The following CTSG variants were observed in gnomAD, a reference collection of about 807,000 sequenced individuals.
CTSG encodes cathepsin G.
A neutral mutation model predicts 23.0 loss-of-function variants in CTSG; 23 were observed. The ratio of observed to expected loss-of-function variants is 1.00; its 90% CI spans 0.72 to 1.42. The LOEUF is 1.42. Among genes scored for constraint, CTSG ranks in the 40% most tolerant of loss-of-function variants. The pLI is 0.00. For missense variants in CTSG, 312 were observed against 326.2 expected (o/e 0.96, Z 0.33); for synonymous variants, 140 against 130.4 (o/e 1.07, Z -0.50).
chr14:24,575,293 CAA>C lies in CTSG; in HGVS notation c.173_174del (p.Phe58CysfsTer43). The C allele has an allele frequency of 1.2e-6, 2 of 1,614,144 alleles. No homozygotes were observed. Among genetic ancestry groups the C allele is most frequent in the Non-Finnish European group, 1.7e-6 (2 of 1,180,020 alleles). ...RCGGFLVRED[F>X]VLTAAHCWGS... ...CCCCAGCAATGAGCTGCTGTCAGCA[CAA>C]AGTCTTCTCGCACCAGGAACCCTCC... is the stretch of plus-strand genomic sequence containing the variant. On this transcript the variant is annotated frameshift_variant, in exon 2 of 5. Coordinates refer to ENST00000216336, the MANE Select transcript of CTSG (RefSeq NM_001911.3). LOFTEE classifies it high-confidence loss of function.
Position 24,575,032 on chromosome 14 carries a change from G to A in CTSG, c.204-222C>T, listed in dbSNP as rs1479259724. On this transcript the variant is annotated intron_variant, in intron 2 of 4. Transcript: ENST00000216336. ...CTTCCCCAGATTAAGTTGATAAATAGCCTGAGTTTATATTTTGAGCCCCAA... is the reference window on the plus strand; with the variant it reads ...CTTCCCCAGATTAAGTTGATAAATAACCTGAGTTTATATTTTGAGCCCCAA... 3 of 695,292 alleles carry A rather than the reference G, an allele frequency of 4.3e-6. No homozygotes were observed. The African/African-American group carries it at 5.4e-5, about 13-fold the overall frequency. The allele number at this position is 695,292 out of a possible 1,614,324, so 43.1% of individuals were successfully genotyped here. A position where few individuals can be genotyped will look rare whatever the true frequency, so the allele number is the denominator to read the frequency against.
intron 1 of CTSG, 59 bp downstream of exon 1, chr14:24,576,110 T>C: frequency 6.7e-7 from 1 of 1,490,428 alleles, no homozygotes; most frequent in Non-Finnish European, 9.2e-7. Flanking sequence ...ACCAAGGCAA[T>C]TTGGCTCAAG....
chr14:24,574,974 G>C (rs1351091515), intron 2 of CTSG, 164 bp from the exon 3 acceptor site: 2 of 873,268 alleles, frequency 2.3e-6, no homozygotes, highest in African/African-American at 3.4e-5. Flanking sequence ...CTCTGAGCTA[G>C]GGATGACAGG....
intron 1 of CTSG, among the ~76,000 whole-genome samples, 153 bp from the exon 2 acceptor site, chr14:24,575,565 G>C (rs1454551122): frequency 6.6e-6 from 1 of 152,188 alleles, no homozygotes; most frequent in African/African-American, 2.4e-5. Flanking sequence ...AGTCTATGGG[G>C]CAGCAGATTG....
Position 24,573,556 on chromosome 14 carries a change from G to T in CTSG, c.*81C>A. 1 of 1,327,444 alleles carries T rather than the reference G, an allele frequency of 7.5e-7. No homozygotes were observed. The highest frequency in any genetic ancestry group is 1.0e-6 in the Non-Finnish European group (1 of 963,398). The allele number at this position is 1,327,444 out of a possible 1,614,324, so 82.2% of individuals were successfully genotyped here. ...ACGTTTAATGAACAAATGAGGAATT[G>T]GTTATTTATACTCTGTGGACGTTTA... On this transcript the variant is annotated 3_prime_UTR_variant, in exon 5 of 5. Transcript: ENST00000216336.
chr14:24,574,826 G>A lies in CTSG; in HGVS notation c.204-16C>T, dbSNP rs1207961957. 1 of 1,612,910 alleles carries A rather than the reference G, an allele frequency of 6.2e-7. No homozygotes were observed. The highest frequency in any genetic ancestry group is 1.7e-5 in the Admixed American group (1 of 60,032). ...ATTTATATTGCTGCAAAAGCAAGAG[G>A]TAGGTCTGGGCTGCAGGAGCTATGG... is the stretch of plus-strand genomic sequence containing the variant. On this transcript the variant is annotated splice_polypyrimidine_tract_variant and intron_variant, in intron 2 of 4. Transcript: ENST00000216336.
rs1475145065 is a variant in CTSG at position 24,574,706 on chromosome 14, C to T, written c.308G>A (p.Arg103Gln). The T allele has an allele frequency of 1.9e-6, 3 of 1,614,010 alleles. No individual in the cohort carries two copies. The highest frequency in any genetic ancestry group is 2.2e-5 in the South Asian group (2 of 91,084). Residue 103 changes from arginine to glutamine, a missense_variant, in exon 3 of 5, where the codon CGG becomes CAG. Transcript: ENST00000216336. ...RAIRHPQYNQRTIQNDIMLLQ... is the reference protein window; with the variant it reads ...RAIRHPQYNQQTIQNDIMLLQ... ...TAACATGATGTCATTCTGGATGGTC[C>T]GCTGATTATATTGAGGGTGGCGGAT...
At chr14:24,574,107 G>C in intron 4 of CTSG, 138 bp downstream of exon 4, 1 of 1,115,208 alleles carries the variant, frequency 9.0e-7, no homozygotes, top group Non-Finnish European at 1.3e-6. Context: ...CAGAGACCAG[G>C]TTGATGGGGA....
chr14:24,575,924 C>T (rs2236742), intron 1 of CTSG, among the ~76,000 whole-genome samples: 23,296 of 152,192 alleles, frequency 0.15, 1,850 homozygotes, highest in South Asian at 0.23. Flanking sequence ...AAATTATTTA[C>T]ACAAAGCATG....
In CTSG at chr14:24,576,219, T is replaced by G; in HGVS notation, c.5A>C (p.Gln2Pro). 2 of 1,607,602 alleles carry G rather than the reference T, an allele frequency of 1.2e-6. No homozygotes were observed. Among genetic ancestry groups the G allele is most frequent in the South Asian group, 1.1e-5 (1 of 89,174 alleles). The change falls in exon 1 of 5, where the codon CAG becomes CCG. Residue 2 changes from glutamine (Q) to proline (P), a missense_variant. Physicochemically the swap from Gln to Pro is moderately conservative, Grantham distance 76. Transcript: ENST00000216336. M[Q>P]PLLLLLAFLL... ...AAAGGCCAGCAGAAGCAGGAGTGGC[T>G]GCATCTTTCCTGAAAGGCTGCCCAG...
chr14:24,573,530 G>T lies in CTSG; in HGVS notation c.*107C>A, dbSNP rs1384360524. The T allele has an allele frequency of 4.4e-6, 5 of 1,125,862 alleles. No individual in the cohort carries two copies. In the Admixed American group the frequency reaches 9.3e-5, roughly 21 times the overall value. 69.7% of individuals were successfully genotyped at this position (1,125,862 alleles called of 1,614,324 possible). Reference sequence around the variant, plus strand: ...AATCCAAACAAACTAAGTACTGAATGACGTTTAATGAACAAATGAGGAATT... The same window carrying T: ...AATCCAAACAAACTAAGTACTGAATTACGTTTAATGAACAAATGAGGAATT... On this transcript the variant is annotated 3_prime_UTR_variant, in exon 5 of 5. Transcript: ENST00000216336.
rs751406281 is a variant in CTSG at position 24,574,268 on chromosome 14, G to T, written c.571C>A (p.Arg191=). 14 of 1,599,886 alleles carry T rather than the reference G, an allele frequency of 8.8e-6. No homozygotes were observed. In the South Asian group the frequency reaches 1.1e-4, roughly 13 times the overall value. ...ACCTTGAAGGCAGCCTTCCGTTCCC[G>T]CCGGTCCCCCACACAAATCTGCCTT... The part of the protein sequence containing the change: ...PRRQICVGDR[R]ERKAAFKGDS... The change falls in exon 4 of 5, where the codon CGG becomes AGG. Residue 191 remains arginine, a synonymous_variant. Coordinates refer to ENST00000216336, the MANE Select transcript of CTSG (RefSeq NM_001911.3).
chr14:24,575,371 G>T lies in CTSG; in HGVS notation c.97C>A (p.Pro33Thr). ...GGRESRPHSR[P>T]YMAYLQIQSP... is the part of the protein sequence containing the mutation. ...TGGATCTGAAGATACGCCATGTAGG[G>T]GCGGGAGTGGGGCCTGCTCTCCCGG... The change falls in exon 2 of 5, where the codon CCC (proline) becomes ACC (threonine). Residue 33 changes from proline to threonine, a missense_variant. By Grantham distance (38) the Pro-to-Thr change is conservative (BLOSUM62 -1). Transcript: ENST00000216336. The T allele has an allele frequency of 6.2e-7, 1 of 1,614,200 alleles. No individual in the cohort carries two copies. The highest frequency in any genetic ancestry group is 8.5e-7 in the Non-Finnish European group (1 of 1,180,024).
At position 24,573,518 on chromosome 14, in the gene CTSG, T is replaced by A; in HGVS notation, c.*119A>T. 9.6e-7 allele frequency: 1 copy of A among 1,041,348 alleles called. No individual in the cohort carries two copies. The highest frequency in any genetic ancestry group is 1.4e-6 in the Non-Finnish European group (1 of 714,222). 64.5% of individuals were successfully genotyped at this position (1,041,348 alleles called of 1,614,324 possible). A position where few individuals can be genotyped will look rare whatever the true frequency, so the allele number is the denominator to read the frequency against. On this transcript the variant is annotated 3_prime_UTR_variant, in exon 5 of 5. Coordinates refer to ENST00000216336, the MANE Select transcript of CTSG (RefSeq NM_001911.3). The stretch of plus-strand genomic sequence containing the variant: ...TTTTGTTGTAGCAATCCAAACAAAC[T>A]AAGTACTGAATGACGTTTAATGAAC...
chr14:24,574,881 C>T, intron 2 of CTSG, 71 bp from the exon 3 acceptor site: 2 of 1,598,488 alleles, frequency 1.3e-6, no homozygotes, highest in Non-Finnish European at 1.7e-6. Context: ...AGGCAGACAG[C>T]ACGGGGAGGG....
At chr14:24,574,962 A>G in intron 2 of CTSG, 152 bp from the exon 3 acceptor site, 1 of 975,434 alleles carries the variant, frequency 1.0e-6, no homozygotes, top group South Asian at 1.5e-5. Flanking sequence ...CTTTCTCAGC[A>G]GCTCTGAGCT....
At position 24,573,611 on chromosome 14, in the gene CTSG, C is replaced by A. The variant is rs751713593; in HGVS notation, c.*26G>T. 1.9e-6 allele frequency: 3 copies of A among 1,605,092 alleles called. No individual in the cohort carries two copies. Among genetic ancestry groups the A allele is most frequent in the Non-Finnish European group, 2.6e-6 (3 of 1,174,668 alleles). ...GGCTCTGGCAACACTGTGGAGCTGG[C>A]CTGTGTCCCCGAGAAGAAGAGTCAG... On this transcript the variant is annotated 3_prime_UTR_variant, in exon 5 of 5. Transcript: ENST00000216336.
intron 4 of CTSG, 149 bp downstream of exon 4, chr14:24,574,096 C>A (rs2066728341): frequency 2.0e-6 from 2 of 1,016,500 alleles, no homozygotes; most frequent in Non-Finnish European, 2.8e-6. Flanking sequence ...TCCTATTCCC[C>A]CAGAGACCAG....
chr14:24,576,149 G>A lies in CTSG; in HGVS notation c.55+20C>T. The A allele has an allele frequency of 6.2e-7, 1 of 1,604,894 alleles. No individual in the cohort carries two copies. Among genetic ancestry groups the A allele is most frequent in the East Asian group, 2.2e-5 (1 of 44,680 alleles). ...CTATGGGATGAGGTCAGGCCTCTGA[G>A]GGTGGGGATGGTCACTCACCTGCCT... On this transcript the variant is annotated intron_variant, in intron 1 of 4. Transcript: ENST00000216336.
Sources: gnomAD v4.1 joint callset for allele counts (sites outside exome capture counted in the v4.1 genomes callset) on GRCh38, gnomAD v4.1.1 for gene constraint, MANE v1.5 for transcripts, NCBI Gene and HGNC (gene_info 2026-07-23, HGNC 2026-07-21) for gene names.